The following ALK variants were observed in gnomAD, a reference collection of about 807,000 sequenced individuals.
ALK encodes the protein ALK tyrosine kinase receptor.
A neutral mutation model predicts 163.1 loss-of-function variants in ALK; 74 were observed. That is an observed-to-expected ratio of 0.45 (90% confidence interval 0.38 to 0.55). The LOEUF is 0.55. Among genes scored for constraint, ALK ranks in the 20% least tolerant of loss-of-function variants. The pLI is 0.00. For synonymous variants in ALK, 960 were observed against 843.2 expected (o/e 1.14, Z -2.40); for missense variants, 2,063 against 2,105.3 (o/e 0.98, Z 0.39).
intron 3 of ALK, among the ~76,000 whole-genome samples, chr2:29,591,987 A>G (rs2148207498): frequency 6.6e-6 from 1 of 151,990 alleles, no homozygotes; most frequent in East Asian, 1.9e-4. Flanking sequence ...ATCACTCTCT[A>G]TCTCAGGTAC....
chr2:29,402,573 T>C (rs777831755), intron 4 of ALK, among the ~76,000 whole-genome samples: 34 of 152,236 alleles, frequency 2.2e-4, no homozygotes, highest in Non-Finnish European at 2.9e-4. Flanking sequence ...CACCGTATAA[T>C]AGGTTTCTAT....
intron 1 of ALK, among the ~76,000 whole-genome samples, chr2:29,837,873 C>T (rs971558402): frequency 6.6e-6 from 1 of 151,964 alleles, no homozygotes; most frequent in Non-Finnish European, 1.5e-5. Context: ...TCAATAGAAA[C>T]AAATCAGAAC....
At chr2:29,829,787 G>T (rs1572414812) in intron 1 of ALK, among the ~76,000 whole-genome samples, 1 of 152,162 alleles carries the variant, frequency 6.6e-6, no homozygotes, top group Non-Finnish European at 1.5e-5. Context: ...AGTGCCCCAA[G>T]CTATGGATGT....
chr2:29,421,238 A>C (rs1670008308), intron 4 of ALK, among the ~76,000 whole-genome samples: 1 of 151,558 alleles, frequency 6.6e-6, no homozygotes, highest in South Asian at 2.1e-4. Context: ...TGCAGGCAGG[A>C]GGCCGCCTTT....
Position 29,273,828 on chromosome 2 carries a change from G to A in ALK, c.2041+1271C>T, listed in dbSNP as rs116205445. Among the ~76,000 whole-genome samples the A allele has an allele frequency of 7.6e-3, 1,151 of 152,276 alleles. 13 individuals are homozygous for A. Among genetic ancestry groups the A allele is most frequent in the African/African-American group, 0.026 (1,092 of 41,532 alleles). ...AGGTGGTAGTTGACCAAGAGCCAAGGAGAGAGTGGAGGTGAATCACTGGGC... is the reference window on the plus strand; with the variant it reads ...AGGTGGTAGTTGACCAAGAGCCAAGAAGAGAGTGGAGGTGAATCACTGGGC... On this transcript the variant is annotated intron_variant, in intron 11 of 28. Coordinates refer to ENST00000389048, the MANE Select transcript of ALK (RefSeq NM_004304.5).
At chr2:29,332,444 G>T (rs1428384442) in intron 5 of ALK, among the ~76,000 whole-genome samples, 1 of 151,924 alleles carries the variant, frequency 6.6e-6, no homozygotes, top group Non-Finnish European at 1.5e-5. Flanking sequence ...CCTCAAAGAG[G>T]TCTTACAGCT....
intron 1 of ALK, among the ~76,000 whole-genome samples, chr2:29,880,043 G>A (rs1431526113): frequency 6.6e-6 from 1 of 152,192 alleles, no homozygotes; most frequent in Non-Finnish European, 1.5e-5. Flanking sequence ...CCATACTACA[G>A]ATTTCCTCTT....
chr2:29,681,919 A>C (rs1678082873), intron 3 of ALK, among the ~76,000 whole-genome samples: 1 of 152,124 alleles, frequency 6.6e-6, no homozygotes, highest in Admixed American at 6.5e-5. Flanking sequence ...TTATTTCCTC[A>C]TTCCCACAGG....
intron 23 of ALK, among the ~76,000 whole-genome samples, chr2:29,215,224 C>A (rs1219278874): frequency 6.6e-6 from 1 of 152,134 alleles, no homozygotes; most frequent in Non-Finnish European, 1.5e-5. Flanking sequence ...TCCTGAGGTG[C>A]CCACAGGGAA....
At chr2:29,318,428 A>G (rs751147440) in intron 7 of ALK, 24 bp from the exon 8 acceptor site, 2 of 1,542,854 alleles carry the variant, frequency 1.3e-6, no homozygotes, top group South Asian at 1.1e-5. Context: ...AAAGAATCAC[A>G]AGCACGCCAT....
intron 5 of ALK, among the ~76,000 whole-genome samples, chr2:29,369,920 A>G (rs1294864028): frequency 1.3e-5 from 2 of 152,204 alleles, no homozygotes; most frequent in East Asian, 3.8e-4. Flanking sequence ...AATAGAATGG[A>G]GAAAAAGGCC....
chr2:29,319,470 C>T (rs993753880), intron 7 of ALK, among the ~76,000 whole-genome samples: 6 of 152,186 alleles, frequency 3.9e-5, no homozygotes, highest in African/African-American at 1.4e-4. Flanking sequence ...CTCATGCAGG[C>T]AGGCGGGTCA....
At chr2:29,613,092 G>C (rs1027774802) in intron 3 of ALK, among the ~76,000 whole-genome samples, 1 of 152,140 alleles carries the variant, frequency 6.6e-6, no homozygotes, top group Non-Finnish European at 1.5e-5. Context: ...ATGAATTCTA[G>C]TCCTATTTAC....
chr2:29,763,809 G>A (rs1680782374), intron 1 of ALK, among the ~76,000 whole-genome samples: 1 of 152,158 alleles, frequency 6.6e-6, no homozygotes, highest in Admixed American at 6.5e-5. Context: ...ACTGAAAGGT[G>A]ACTTGGCTCC....
intron 1 of ALK, among the ~76,000 whole-genome samples, chr2:29,870,498 A>G (rs1452451116): frequency 2.0e-5 from 3 of 152,184 alleles, no homozygotes; most frequent in Admixed American, 2.0e-4. Flanking sequence ...TCCAACATAT[A>G]GGATTGCAAT....
chr2:29,775,854 A>G (rs562690698), intron 1 of ALK, among the ~76,000 whole-genome samples: 6 of 152,352 alleles, frequency 3.9e-5, no homozygotes, highest in Admixed American at 3.3e-4. Flanking sequence ...TTAAAGTTTT[A>G]GTAAGTATTG....
In ALK at chr2:29,908,119, C is replaced by T. The variant is rs138671105; in HGVS notation, c.667+11874G>A. ...TTTCCTGAATAATCTGCAGTCAACACGCAGTCAAAATGCATCTCCCCTACT... is the reference window on the plus strand; with the variant it reads ...TTTCCTGAATAATCTGCAGTCAACATGCAGTCAAAATGCATCTCCCCTACT... On this transcript the variant is annotated intron_variant, in intron 1 of 28. Transcript: ENST00000389048. 3.4e-3 allele frequency among the ~76,000 whole-genome samples: 523 copies of T among 152,308 alleles called. 2 individuals carry two copies. Among genetic ancestry groups the T allele is most frequent in the African/African-American group, 0.012 (491 of 41,546 alleles).
chr2:29,812,578 A>G (rs908429142), intron 1 of ALK, among the ~76,000 whole-genome samples: 2 of 152,166 alleles, frequency 1.3e-5, no homozygotes, highest in African/African-American at 4.8e-5. Context: ...TTTTTAAATG[A>G]TGGGGTTTCA....
At chr2:29,590,227 A>G (rs1464107995) in intron 3 of ALK, among the ~76,000 whole-genome samples, 2 of 152,222 alleles carry the variant, frequency 1.3e-5, no homozygotes, top group South Asian at 2.1e-4. Context: ...TCTTCTGAAC[A>G]TAGTGTTATT....
Sources: gnomAD v4.1 joint callset for allele counts (sites outside exome capture counted in the v4.1 genomes callset) on GRCh38, gnomAD v4.1.1 for gene constraint, MANE v1.5 for transcripts, NCBI Gene and HGNC (gene_info 2026-07-23, HGNC 2026-07-21) for gene names.